The following PCGF3 variants were observed in gnomAD, a reference collection of about 807,000 sequenced individuals.
PCGF3 encodes the protein polycomb group ring finger 3.
A neutral mutation model predicts 33.1 loss-of-function variants in PCGF3; 7 were observed. That is an observed-to-expected ratio of 0.21 (90% CI 0.12 to 0.40). The LOEUF is 0.40. PCGF3 is among the 10% of genes least tolerant of loss of function. The probability of loss-of-function intolerance (pLI) is 1.00; values close to 1 mark genes in which losing one functional copy is unlikely to be tolerated. For missense variants in PCGF3, 211 were observed against 313.3 expected, an observed-to-expected ratio of 0.67 and a Z score of 2.46; for synonymous variants, 153 against 121.3, an observed-to-expected ratio of 1.26 and a Z score of -1.72.
chr4:760,008 T>TGGA (rs1744959453), intron 8 of PCGF3, among the ~76,000 whole-genome samples: 2 of 152,174 alleles, frequency 1.3e-5, no homozygotes, highest in East Asian at 3.9e-4. Context: ...CCGCTCACAT[T>TGGA]GTCCCTCTCC....
intron 6 of PCGF3, among the ~76,000 whole-genome samples, chr4:740,764 C>T (rs573222856): frequency 3.5e-4 from 53 of 152,294 alleles, no homozygotes; most frequent in African/African-American, 1.3e-3. Flanking sequence ...ATTGAAATTT[C>T]ATGGTGCGTA....
intron 1 of PCGF3, among the ~76,000 whole-genome samples, chr4:714,794 G>A (rs989822627): frequency 7.9e-5 from 12 of 152,258 alleles, no homozygotes; most frequent in African/African-American, 2.2e-4. Context: ...ACTAGGTCAC[G>A]CAAACCTGGG....
chr4:718,822 T>TG (rs1490007855), intron 1 of PCGF3, among the ~76,000 whole-genome samples: 1 of 152,242 alleles, frequency 6.6e-6, no homozygotes, highest in East Asian at 1.9e-4. Flanking sequence ...CTTTACTGCC[T>TG]GGGGTCAGTT....
chr4:733,959 C>A, intron 4 of PCGF3, 170 bp downstream of exon 4: 1 of 1,551,836 alleles, frequency 6.4e-7, no homozygotes, highest in Non-Finnish European at 8.7e-7. Context: ...AGTCATTTCA[C>A]GCTAAAGGTC....
intron 1 of PCGF3, among the ~76,000 whole-genome samples, chr4:712,568 C>T (rs1252416882): frequency 6.6e-6 from 1 of 152,116 alleles, no homozygotes; most frequent in Non-Finnish European, 1.5e-5. Flanking sequence ...TGCCTCAGCT[C>T]CCTAAGTAGC....
At chr4:711,947 G>T (rs1364985249) in intron 1 of PCGF3, among the ~76,000 whole-genome samples, 4 of 118,784 alleles carry the variant, frequency 3.4e-5, no homozygotes, top group Non-Finnish European at 6.8e-5. Context: ...GTGAGACTCT[G>T]TCTGAAAAAA....
chr4:717,356 A>G lies in PCGF3; in HGVS notation c.-190+11386A>G, dbSNP rs373071840. On this transcript the variant is annotated intron_variant, in intron 1 of 10. Transcript: ENST00000362003. ...ACACTGAGTGTGAGAACTGGGTGTC[A>G]GTGCTGGGACCCTGTGGACACTGTG... Among the ~76,000 whole-genome samples the G allele has an allele frequency of 7.3e-4, 101 of 138,562 alleles. 1 individual carries two copies. Among genetic ancestry groups the G allele is most frequent in the South Asian group, 3.1e-3 (13 of 4,184 alleles). The allele number at this position is 138,562 out of a possible 152,430, so 90.9% of individuals were successfully genotyped here.
At position 708,024 on chromosome 4, in the gene PCGF3, C is replaced by T. The variant is rs113883991; in HGVS notation, c.-190+2054C>T. Among the ~76,000 whole-genome samples, 160 of 117,056 alleles carry T rather than the reference C, an allele frequency of 1.4e-3. 4 individuals carry two copies. Among genetic ancestry groups the T allele is most frequent in the African/African-American group, 4.9e-3 (145 of 29,658 alleles). 76.8% of individuals were successfully genotyped at this position (117,056 alleles called of 152,430 possible). On this transcript the variant is annotated intron_variant, in intron 1 of 10. Transcript: ENST00000362003. ...GGACAGCCCTGTTTTCCCCTGGGGG[C>T]CGGGACCCTGGGACAGCCCTGTTTT...
chr4:734,500 G>A (rs1423032777), intron 4 of PCGF3: 5 of 1,211,372 alleles, frequency 4.1e-6, no homozygotes, highest in Admixed American at 4.0e-5. Context: ...AACGTTAATC[G>A]TATTTTTAGA....
At chr4:765,991 A>G (rs766905169) in intron 10 of PCGF3, 41 bp from the exon 11 acceptor site, 1 of 1,600,900 alleles carries the variant, frequency 6.2e-7, no homozygotes, top group East Asian at 2.2e-5. Context: ...TCTCGCCTCC[A>G]CCCCTGCTAA....
chr4:741,628 C>T (rs1010077708), intron 6 of PCGF3, among the ~76,000 whole-genome samples: 13 of 152,058 alleles, frequency 8.5e-5, no homozygotes, highest in Admixed American at 5.2e-4. Flanking sequence ...AGGCTGGTCT[C>T]GAACTCCTGA....
intron 1 of PCGF3, among the ~76,000 whole-genome samples, chr4:718,731 G>C (rs892485300): frequency 6.6e-6 from 1 of 152,158 alleles, no homozygotes; most frequent in African/African-American, 2.4e-5. Flanking sequence ...CTGGGGGCTC[G>C]ATGTCACAGG....
intron 9 of PCGF3, 165 bp from the exon 10 acceptor site, chr4:764,819 G>T: frequency 1.7e-6 from 1 of 593,290 alleles, no homozygotes; most frequent in East Asian, 2.9e-5. Flanking sequence ...TCTAGGCTGT[G>T]AGGTAGGGAT....
At chr4:732,167 T>A (rs1743598355) in intron 3 of PCGF3, among the ~76,000 whole-genome samples, 1 of 112,884 alleles carries the variant, frequency 8.9e-6, no homozygotes, top group Admixed American at 8.8e-5. Context: ...TGAGTGGGCG[T>A]GGTCCTCAGG....
At chr4:735,106 A>G in intron 5 of PCGF3, 79 bp downstream of exon 5, 3 of 1,465,734 alleles carry the variant, frequency 2.0e-6, no homozygotes, top group Non-Finnish European at 2.8e-6. Context: ...TTCCCAGGCC[A>G]TTAGCGCTGT....
At chr4:728,981 T>G (rs1425928240) in intron 1 of PCGF3, among the ~76,000 whole-genome samples, 2 of 151,158 alleles carry the variant, frequency 1.3e-5, no homozygotes, top group African/African-American at 4.9e-5. Flanking sequence ...ACGTCTATAA[T>G]CCCAGCTACT....
At chr4:754,385 G>A (rs1281334896) in intron 8 of PCGF3, among the ~76,000 whole-genome samples, 2 of 152,226 alleles carry the variant, frequency 1.3e-5, no homozygotes, top group African/African-American at 2.4e-5. Context: ...TGCTCCTGCT[G>A]CACGCCTGCT....
chr4:733,156 G>C (rs962609076), intron 3 of PCGF3, among the ~76,000 whole-genome samples: 32 of 150,678 alleles, frequency 2.1e-4, no homozygotes, highest in Admixed American at 1.9e-3. Context: ...CGTGGAAGCC[G>C]CGCCGGCCCC....
exon 2 of PCGF3, chr4:730,660 C>G (rs551963134): frequency 3.1e-5 from 6 of 196,348 alleles, no homozygotes; most frequent in Non-Finnish European, 6.2e-5. Flanking sequence ...CCCCAGGCGT[C>G]GTGCTCAGGT....
Sources: gnomAD v4.1 joint callset for allele counts (sites outside exome capture counted in the v4.1 genomes callset) on GRCh38, gnomAD v4.1.1 for gene constraint, MANE v1.5 for transcripts, NCBI Gene and HGNC (gene_info 2026-07-23, HGNC 2026-07-21) for gene names.